The following PDE1A variants were observed in gnomAD, a reference collection of about 807,000 sequenced individuals.
PDE1A encodes the protein phosphodiesterase 1A.
In PDE1A, 35 loss-of-function variants were observed where a neutral mutation model predicts 61.7. The observed-to-expected ratio is 0.57, with a 90% CI of 0.43 to 0.75. The LOEUF (loss-of-function observed/expected upper bound fraction) is 0.75, where lower values mean the gene tolerates loss of function less well. Among genes scored for constraint, PDE1A ranks in the 30% least tolerant of loss-of-function variants. The probability of loss-of-function intolerance (pLI) is 0.00; values close to 1 mark genes in which losing one functional copy is unlikely to be tolerated. For synonymous variants in PDE1A, 232 were observed against 213.2 expected (o/e 1.09, Z -0.77); for missense variants, 597 against 630.6 (o/e 0.95, Z 0.57).
rs189025536 is a variant in PDE1A at position 182,389,018 on chromosome 2, G to A, written c.53+37560C>T. 1.2e-3 allele frequency among the ~76,000 whole-genome samples: 176 copies of A among 151,818 alleles called. 9 individuals are homozygous for A. In the South Asian group the frequency reaches 0.034, roughly 30 times the overall value. On this transcript the variant is annotated intron_variant, in intron 1 of 13. Coordinates refer to ENST00000351439, the Ensembl canonical transcript of PDE1A. ...GACTACTATGAACAATTGTAAAAGA[G>A]GACTTCAAAAGATTCATGGAAAAAT...
chr2:182,682,330 T>C, the PDE1A span, among the ~76,000 whole-genome samples: 61 of 152,324 alleles, frequency 4.0e-4, no homozygotes, highest in African/African-American at 1.3e-3. Context: ...TAGGGGTTTA[T>C]ATAGCAGGGA....
rs1380075241 is a variant in PDE1A, at chr2:182,450,656, A to G, written c.101+71620T>C. ...AATCAGGCTTGTTCCTTTTAAGGCT[A>G]TTGTTTTCTTTTTCAAATTTCCAAA... On this transcript the variant is annotated intron_variant, in intron 2 of 14. Coordinates refer to the PDE1A transcript ENST00000410103. Among the ~76,000 whole-genome samples the G allele has an allele frequency of 3.9e-5, 6 of 151,982 alleles. No individual in the cohort carries two copies. The East Asian group carries it at 9.7e-4, about 25-fold the overall frequency.
At chr2:182,704,915 G>T in the PDE1A span, among the ~76,000 whole-genome samples, 1 of 152,192 alleles carries the variant, frequency 6.6e-6, no homozygotes, top group Non-Finnish European at 1.5e-5. Context: ...TCCCTAGATC[G>T]TACTCTATGG....
chr2:182,623,606 G>A, the PDE1A span, among the ~76,000 whole-genome samples: 2 of 152,228 alleles, frequency 1.3e-5, no homozygotes, highest in South Asian at 2.1e-4. Context: ...GACATCTTCC[G>A]AAGACATGTA....
intron 1 of PDE1A, among the ~76,000 whole-genome samples, chr2:182,374,195 T>C (rs1432816561): frequency 6.6e-6 from 1 of 152,120 alleles, no homozygotes; most frequent in Non-Finnish European, 1.5e-5. Flanking sequence ...TGTACATTCA[T>C]GGGTCAAATC....
intron 1 of PDE1A, among the ~76,000 whole-genome samples, chr2:182,372,994 C>T (rs1002871633): frequency 6.6e-6 from 1 of 152,196 alleles, no homozygotes; most frequent in Non-Finnish European, 1.5e-5. Context: ...AAGACAAAGG[C>T]CCAAGCCCTG....
intron 1 of PDE1A, among the ~76,000 whole-genome samples, chr2:182,393,998 T>G (rs1020468868): frequency 9.9e-5 from 15 of 152,146 alleles, no homozygotes; most frequent in African/African-American, 3.6e-4. Context: ...AGTTCCAAAT[T>G]TCCCATATTT....
At chr2:182,563,181 T>G in the PDE1A span, among the ~76,000 whole-genome samples, 1 of 152,202 alleles carries the variant, frequency 6.6e-6, no homozygotes, top group Admixed American at 6.5e-5. Flanking sequence ...CTGCTTTCTC[T>G]TGTGGGCATT....
intron 1 of PDE1A, among the ~76,000 whole-genome samples, chr2:182,388,334 TATA>T (rs1701236354): frequency 6.6e-6 from 1 of 152,144 alleles, no homozygotes; most frequent in South Asian, 2.1e-4. Flanking sequence ...GCATAACAGA[TATA>T]TACAGAAAAC....
At chr2:182,411,622 T>C (rs1051677045) in intron 1 of PDE1A, among the ~76,000 whole-genome samples, 1 of 152,206 alleles carries the variant, frequency 6.6e-6, no homozygotes, top group South Asian at 2.1e-4. Flanking sequence ...AGAGTTCCAA[T>C]TGCTCTAAAT....
chr2:182,705,568 T>C, the PDE1A span, among the ~76,000 whole-genome samples: 1 of 151,958 alleles, frequency 6.6e-6, no homozygotes, highest in East Asian at 1.9e-4. Context: ...TGGAGTGCAG[T>C]TGTGTGATCT....
At chr2:182,712,959 A>G in the PDE1A span, among the ~76,000 whole-genome samples, 1 of 152,138 alleles carries the variant, frequency 6.6e-6, no homozygotes, top group Non-Finnish European at 1.5e-5. Context: ...ACTCCTTAAA[A>G]TAAACTACAT....
chr2:182,570,544 T>C, the PDE1A span, among the ~76,000 whole-genome samples: 2 of 152,308 alleles, frequency 1.3e-5, no homozygotes, highest in Admixed American at 1.3e-4. Context: ...AGTAGCATTG[T>C]CATGTCAAAT....
chr2:182,645,316 T>C, the PDE1A span, among the ~76,000 whole-genome samples: 1 of 152,242 alleles, frequency 6.6e-6, no homozygotes, highest in Non-Finnish European at 1.5e-5. Flanking sequence ...GTTATGGATA[T>C]TTGTTTTAAT....
chr2:182,551,767 C>T, the PDE1A span, among the ~76,000 whole-genome samples: 2 of 152,118 alleles, frequency 1.3e-5, no homozygotes, highest in African/African-American at 2.4e-5. Flanking sequence ...GGTGGCAAGC[C>T]TACAAGTGTC....
chr2:182,353,001 C>T (rs1698976748), intron 1 of PDE1A, among the ~76,000 whole-genome samples: 1 of 152,088 alleles, frequency 6.6e-6, no homozygotes, highest in South Asian at 2.1e-4. Context: ...CCTAAGAGTT[C>T]AATGAGATAA....
At chr2:182,405,379 GCCCCCAGGGT>G (rs572994366) in intron 1 of PDE1A, among the ~76,000 whole-genome samples, 140 of 152,322 alleles carry the variant, frequency 9.2e-4, no homozygotes, top group African/African-American at 3.3e-3. Context: ...ACTGCATGGG[GCCCCCAGGGT>G]CAGTGAAGTG....
At chr2:182,164,714 CA>C (rs1691559715), downstream of PDE1A, among the ~76,000 whole-genome samples, 3 of 152,106 alleles carry the variant, frequency 2.0e-5, no homozygotes, top group African/African-American at 7.2e-5. Flanking sequence ...TGAGCACTCA[CA>C]GACCAATAGT....
intron 2 of PDE1A, among the ~76,000 whole-genome samples, chr2:182,495,204 C>A (rs1334252759): frequency 6.6e-6 from 1 of 152,200 alleles, no homozygotes; most frequent in African/African-American, 2.4e-5. Context: ...GCTCCAGTCA[C>A]AGTCTCTTGG....
Sources: gnomAD v4.1 joint callset for allele counts (sites outside exome capture counted in the v4.1 genomes callset) on GRCh38, gnomAD v4.1.1 for gene constraint, MANE v1.5 for transcripts, NCBI Gene and HGNC (gene_info 2026-07-23, HGNC 2026-07-21) for gene names.